ORC5: variants seen among roughly 807,000 people sequenced by gnomAD.
ORC5 encodes the protein protein phosphatase 1, regulatory subunit 117.
In ORC5, 39 loss-of-function variants were observed where a neutral mutation model predicts 58.8. The ratio of observed to expected loss-of-function variants is 0.66; its 90% CI spans 0.51 to 0.87. The LOEUF is 0.87. ORC5 is among the 40% of genes least tolerant of loss of function. ORC5 has a pLI of 0.00. For missense variants in ORC5, 493 were observed against 506.3 expected, an observed-to-expected ratio of 0.97 and a Z score of 0.25; for synonymous variants, 218 against 177.6, an observed-to-expected ratio of 1.23 and a Z score of -1.81.
At chr7:104,160,478 A>G (rs989306535) in intron 12 of ORC5, among the ~76,000 whole-genome samples, 1 of 152,156 alleles carries the variant, frequency 6.6e-6, no homozygotes, top group South Asian at 2.1e-4. Context: ...TGGACCATTT[A>G]AGAAATCTAC....
intron 12 of ORC5, among the ~76,000 whole-genome samples, chr7:104,147,938 C>T (rs1798787997): frequency 6.6e-6 from 1 of 152,136 alleles, no homozygotes; most frequent in African/African-American, 2.4e-5. Flanking sequence ...GAGAATGACA[C>T]ATATGTGTTT....
chr7:104,184,453 T>A, intron 6 of ORC5: 1 of 321,442 alleles, frequency 3.1e-6, no homozygotes, highest in Non-Finnish European at 5.7e-6. Flanking sequence ...GGCAAGACCC[T>A]GCTTCTTTCT....
chr7:104,171,148 T>C (rs1350203894), intron 8 of ORC5, among the ~76,000 whole-genome samples: 1 of 152,216 alleles, frequency 6.6e-6, no homozygotes, highest in Admixed American at 6.5e-5. Flanking sequence ...TTTCCATACC[T>C]GAAAATGCTT....
At chr7:104,134,966 A>T (rs890253669) in intron 13 of ORC5, among the ~76,000 whole-genome samples, 4 of 152,162 alleles carry the variant, frequency 2.6e-5, no homozygotes, top group African/African-American at 9.7e-5. Flanking sequence ...AGAGCCCCCA[A>T]GTTCTATGTC....
intron 12 of ORC5, among the ~76,000 whole-genome samples, chr7:104,152,076 C>T (rs1798855579): frequency 6.6e-6 from 1 of 152,164 alleles, no homozygotes; most frequent in Non-Finnish European, 1.5e-5. Context: ...TCATTGTGTG[C>T]TGACAAGGAA....
chr7:104,189,695 C>T (rs1411024057), intron 5 of ORC5, among the ~76,000 whole-genome samples: 1 of 152,056 alleles, frequency 6.6e-6, no homozygotes, highest in African/African-American at 2.4e-5. Flanking sequence ...TCCAGCCCCA[C>T]AGGGACAGAA....
intron 3 of ORC5, among the ~76,000 whole-genome samples, chr7:104,200,148 T>C (rs576119241): frequency 1.3e-5 from 2 of 152,226 alleles, no homozygotes; most frequent in South Asian, 2.1e-4. Context: ...GTAGTTCTTA[T>C]CCAATTCCAA....
At chr7:104,135,991 T>C (rs1456810314) in intron 13 of ORC5, among the ~76,000 whole-genome samples, 6 of 152,188 alleles carry the variant, frequency 3.9e-5, no homozygotes, top group African/African-American at 9.7e-5. Flanking sequence ...AAGTCACTTA[T>C]TCATATAAAT....
chr7:104,168,237 G>A (rs796485409), intron 9 of ORC5: 3 of 1,060,316 alleles, frequency 2.8e-6, no homozygotes, highest in African/African-American at 3.3e-5. Context: ...TGATTTTCAT[G>A]ATATAATCCA....
intron 11 of ORC5, 98 bp from the exon 12 acceptor site, chr7:104,161,280 T>C (rs1468929275): frequency 3.1e-6 from 2 of 645,184 alleles, no homozygotes; most frequent in African/African-American, 1.9e-5. Context: ...TTTTGTTATA[T>C]ATAGTTCCCC....
intron 2 of ORC5, chr7:104,202,467 T>C (rs775021577): frequency 2.2e-6 from 1 of 451,188 alleles, no homozygotes; most frequent in South Asian, 1.6e-5. Context: ...ATCTCTGTTA[T>C]GAATAGTGTC....
chr7:104,204,364 G>A, intron 1 of ORC5, 130 bp from the exon 2 acceptor site: 1 of 627,798 alleles, frequency 1.6e-6, no homozygotes. Context: ...AGCATATTGT[G>A]GATGCATCAA....
intron 12 of ORC5, among the ~76,000 whole-genome samples, chr7:104,152,257 C>T (rs1347305371): frequency 6.6e-6 from 1 of 152,122 alleles, no homozygotes; most frequent in Admixed American, 6.5e-5. Flanking sequence ...AAGTGATCCT[C>T]CCACCTCAGC....
chr7:104,154,782 TAAC>T (rs1334876105), intron 12 of ORC5, among the ~76,000 whole-genome samples: 3 of 151,858 alleles, frequency 2.0e-5, no homozygotes, highest in Non-Finnish European at 3.0e-5. Flanking sequence ...AAATAAAAAT[TAAC>T]AACGTCTCCT....
At chr7:104,183,798 A>G (rs1799484068) in intron 8 of ORC5, 145 bp downstream of exon 8, 1 of 592,424 alleles carries the variant, frequency 1.7e-6, no homozygotes, top group African/African-American at 1.9e-5. Context: ...AGAGTTTACT[A>G]CAGCATGTGC....
intron 8 of ORC5, among the ~76,000 whole-genome samples, chr7:104,173,135 C>G (rs538236415): frequency 6.6e-6 from 1 of 152,198 alleles, no homozygotes; most frequent in South Asian, 2.1e-4. Flanking sequence ...ACTGAAAAAA[C>G]CATAACCTTG....
At chr7:104,130,382 T>C (rs1798494440) in intron 13 of ORC5, among the ~76,000 whole-genome samples, 1 of 152,170 alleles carries the variant, frequency 6.6e-6, no homozygotes, top group South Asian at 2.1e-4. Context: ...CAGGCTTAAC[T>C]GAAACTAGGC....
chr7:104,171,998 CACT>C lies in ORC5; in HGVS notation c.825-3476_825-3474del, dbSNP rs148932651. On this transcript the variant is annotated intron_variant, in intron 8 of 13. Coordinates refer to ENST00000297431, the MANE Select transcript of ORC5 (RefSeq NM_002553.4). ...TCAAGTAATTTCATTTGTATTTCAC[CACT>C]ACTAGTCAACGTATCCCTTGTCCCA... is the stretch of plus-strand genomic sequence containing the variant. 2.7e-3 allele frequency among the ~76,000 whole-genome samples: 414 copies of C among 152,310 alleles called. 1 individual carries two copies. The highest frequency in any genetic ancestry group is 9.4e-3 in the African/African-American group (391 of 41,566).
intron 12 of ORC5, among the ~76,000 whole-genome samples, chr7:104,147,842 G>A (rs1039164055): frequency 2.0e-5 from 3 of 152,148 alleles, no homozygotes; most frequent in Admixed American, 2.0e-4. Flanking sequence ...AAAATGGTTT[G>A]CCAAGACTAC....
Sources: allele counts gnomAD v4.1 joint callset (sites outside exome capture counted in the v4.1 genomes callset), GRCh38; gene constraint gnomAD v4.1.1; transcripts MANE v1.5; gene names NCBI Gene and HGNC (gene_info 2026-07-23, HGNC 2026-07-21).